MAD1L1: variants seen among roughly 807,000 people sequenced by gnomAD.
The protein encoded by MAD1L1 is mitotic arrest deficient 1 like 1, also known as mitotic spindle assembly checkpoint protein MAD1.
Under a neutral mutation model 96.9 loss-of-function variants are expected in MAD1L1, and 95 were observed. That is an observed-to-expected ratio of 0.98 (90% CI 0.83 to 1.16). The LOEUF is 1.16. MAD1L1 is among the 50% of genes most tolerant of loss of function. The pLI is 0.00. For missense variants in MAD1L1, 1,007 were observed against 954.4 expected, an observed-to-expected ratio of 1.06 and a Z score of -0.73; for synonymous variants, 473 against 396.6, an observed-to-expected ratio of 1.19 and a Z score of -2.29.
chr7:1,929,816 ACGTCCCCTGCCC>A (rs1394195649), intron 17 of MAD1L1, among the ~76,000 whole-genome samples: 1 of 98 alleles, frequency 0.01, no homozygotes. Context: ...CCCCACTGCC[ACGTCCCCTGCCC>A]CGTCCCCACT....
chr7:2,049,669 C>A (rs1784079483), intron 12 of MAD1L1, among the ~76,000 whole-genome samples: 1 of 152,224 alleles, frequency 6.6e-6, no homozygotes, highest in South Asian at 2.1e-4. Flanking sequence ...CCAAGGGGCA[C>A]TGGGCACTGC....
At chr7:2,220,620 G>C (rs1793550280) in intron 5 of MAD1L1, among the ~76,000 whole-genome samples, 1 of 152,210 alleles carries the variant, frequency 6.6e-6, no homozygotes, top group South Asian at 2.1e-4. Flanking sequence ...CCGCAAACAA[G>C]GAGGCCTCAG....
At chr7:1,980,136 C>A (rs915204752) in intron 15 of MAD1L1, among the ~76,000 whole-genome samples, 2 of 152,102 alleles carry the variant, frequency 1.3e-5, no homozygotes, top group African/African-American at 4.8e-5. Context: ...TGCCGGTGGA[C>A]GTGTCTCCCG....
At chr7:2,134,442 A>G (rs908918801) in intron 11 of MAD1L1, among the ~76,000 whole-genome samples, 2 of 152,152 alleles carry the variant, frequency 1.3e-5, no homozygotes, top group African/African-American at 4.8e-5. Context: ...AGACAGTTTT[A>G]TTTCTTCCTT....
intron 15 of MAD1L1, among the ~76,000 whole-genome samples, chr7:1,967,398 C>G (rs938821591): frequency 6.6e-6 from 1 of 152,174 alleles, no homozygotes; most frequent in African/African-American, 2.4e-5. Context: ...AATGAAAAGA[C>G]AGAGATTGCC....
At chr7:2,077,982 G>A (rs894710768) in intron 11 of MAD1L1, among the ~76,000 whole-genome samples, 2 of 152,196 alleles carry the variant, frequency 1.3e-5, no homozygotes, top group African/African-American at 4.8e-5. Context: ...GAAGGCCAGG[G>A]TTCCCAGACA....
intron 11 of MAD1L1, among the ~76,000 whole-genome samples, chr7:2,113,774 C>T (rs1446228156): frequency 6.6e-6 from 1 of 152,174 alleles, no homozygotes; most frequent in Non-Finnish European, 1.5e-5. Flanking sequence ...ACATGACATC[C>T]CTTTTAAGAT....
intron 11 of MAD1L1, among the ~76,000 whole-genome samples, chr7:2,140,985 A>G (rs1395371677): frequency 6.6e-6 from 1 of 152,284 alleles, no homozygotes; most frequent in African/African-American, 2.4e-5. Context: ...ACATTCAGGG[A>G]AACAGTCTGG....
intron 9 of MAD1L1, 33 bp downstream of exon 9, chr7:2,215,852 C>T: frequency 6.3e-7 from 1 of 1,599,938 alleles, no homozygotes; most frequent in Non-Finnish European, 8.6e-7. Context: ...GCAGAGGACA[C>T]CCACAGGAAC....
chr7:1,930,683 G>A (rs533417154), intron 17 of MAD1L1, among the ~76,000 whole-genome samples: 6 of 151,054 alleles, frequency 4.0e-5, no homozygotes, highest in African/African-American at 1.5e-4. Context: ...AGCAGGAAGA[G>A]ACATCTGCTG....
At chr7:1,962,510 A>C (rs1003031788) in intron 15 of MAD1L1, among the ~76,000 whole-genome samples, 1 of 152,260 alleles carries the variant, frequency 6.6e-6, no homozygotes, top group Non-Finnish European at 1.5e-5. Context: ...AAAGAACGAA[A>C]AGACAAGACA....
chr7:2,140,090 C>T (rs1055960325), intron 11 of MAD1L1, among the ~76,000 whole-genome samples: 6 of 151,966 alleles, frequency 3.9e-5, no homozygotes, highest in African/African-American at 1.5e-4. Context: ...GCAGGACGTG[C>T]ATCCTTCTGT....
At chr7:1,870,902 C>T (rs1476588628) in intron 18 of MAD1L1, among the ~76,000 whole-genome samples, 1 of 145,640 alleles carries the variant, frequency 6.9e-6, no homozygotes, top group Non-Finnish European at 1.5e-5. Flanking sequence ...ATGAACCTAC[C>T]GTAACACCTG....
At chr7:1,823,679 C>T (rs1284587466) in intron 18 of MAD1L1, among the ~76,000 whole-genome samples, 1 of 152,178 alleles carries the variant, frequency 6.6e-6, no homozygotes, top group East Asian at 1.9e-4. Context: ...GCACAGAGGC[C>T]GGGCCTGTGG....
chr7:2,072,188 C>G (rs1785165059), intron 11 of MAD1L1, among the ~76,000 whole-genome samples: 2 of 152,242 alleles, frequency 1.3e-5, no homozygotes, highest in African/African-American at 4.8e-5. Context: ...TCCAGGTAGA[C>G]AGTGTCAGAA....
At chr7:1,971,257 C>G (rs1033497358) in intron 15 of MAD1L1, among the ~76,000 whole-genome samples, 1 of 152,208 alleles carries the variant, frequency 6.6e-6, no homozygotes, top group African/African-American at 2.4e-5. Flanking sequence ...GGGGCTGTTG[C>G]CGTCACCAGT....
chr7:2,112,307 T>C (rs75657575), intron 11 of MAD1L1, among the ~76,000 whole-genome samples: 1 of 152,136 alleles, frequency 6.6e-6, no homozygotes, highest in Admixed American at 6.5e-5. Flanking sequence ...CAGTTTTTTT[T>C]AATCAACCAG....
chr7:2,150,479 TC>T lies in MAD1L1; in HGVS notation c.987-1242del, dbSNP rs1789519515. Among the ~76,000 whole-genome samples the T allele has an allele frequency of 2.0e-5, 3 of 152,082 alleles. No individual in the cohort carries two copies. The East Asian group carries it at 5.8e-4, about 29-fold the overall frequency. ...AAACCCTCATCAGCTCATCCAGCGC[TC>T]ACACAGCCCCTCCCCCGGTCTTCCA... On this transcript the variant is annotated intron_variant, in intron 10 of 18. Transcript: ENST00000265854.
chr7:2,129,755 C>A (rs1788421120), intron 11 of MAD1L1, among the ~76,000 whole-genome samples: 1 of 152,206 alleles, frequency 6.6e-6, no homozygotes, highest in Admixed American at 6.5e-5. Context: ...CAGAGACAGT[C>A]CAAGGAGTGC....
Sources: gnomAD v4.1 joint callset for allele counts (sites outside exome capture counted in the v4.1 genomes callset) on GRCh38, gnomAD v4.1.1 for gene constraint, MANE v1.5 for transcripts, NCBI Gene and HGNC (gene_info 2026-07-23, HGNC 2026-07-21) for gene names.